The following ADCY8 variants were observed in gnomAD, a reference collection of about 807,000 sequenced individuals.
ADCY8 encodes the protein adenylate cyclase type 8.
ADCY8 carries 51 observed loss-of-function variants against 119.7 expected under a neutral mutation model. The observed-to-expected ratio is 0.43, with a 90% CI of 0.34 to 0.54. The LOEUF (loss-of-function observed/expected upper bound fraction) is 0.54, where lower values mean the gene tolerates loss of function less well. ADCY8 is among the 20% of genes least tolerant of loss of function. The pLI, the probability that ADCY8 is intolerant of heterozygous loss-of-function variation, is 0.03. For synonymous variants in ADCY8, 665 were observed against 651.0 expected, an observed-to-expected ratio of 1.02 and a Z score of -0.33; for missense variants, 1,383 against 1,598.8, an observed-to-expected ratio of 0.87 and a Z score of 2.30.
chr8:130,804,856 C>T (rs1370381927), intron 14 of ADCY8, among the ~76,000 whole-genome samples: 1 of 152,180 alleles, frequency 6.6e-6, no homozygotes, highest in Non-Finnish European at 1.5e-5. Context: ...AAGTGATTCT[C>T]ATGTCTCAAC....
At chr8:130,927,150 TAA>T in intron 5 of ADCY8, among the ~76,000 whole-genome samples, 1 of 152,292 alleles carries the variant, frequency 6.6e-6, no homozygotes, top group Non-Finnish European at 1.5e-5. Context: ...TTCTATTTTT[TAA>T]GTTTCTGAAG....
chr8:130,849,119 G>A (rs1244443225), intron 10 of ADCY8, among the ~76,000 whole-genome samples: 2 of 152,114 alleles, frequency 1.3e-5, no homozygotes, highest in Non-Finnish European at 2.9e-5. Context: ...AGGGGCGTGG[G>A]TCATGGAGTC....
At chr8:130,863,644 T>A (rs1818020285) in intron 9 of ADCY8, among the ~76,000 whole-genome samples, 1 of 152,280 alleles carries the variant, frequency 6.6e-6, no homozygotes, top group South Asian at 2.1e-4. Context: ...TAAAAACGTT[T>A]TTTTAGTGTT....
chr8:131,018,153 C>T (rs1376574126), intron 1 of ADCY8, among the ~76,000 whole-genome samples: 1 of 152,104 alleles, frequency 6.6e-6, no homozygotes, highest in Non-Finnish European at 1.5e-5. Context: ...AAAATAATGA[C>T]TCAATGTAGT....
At chr8:130,854,919 C>A (rs1817670865) in intron 9 of ADCY8, among the ~76,000 whole-genome samples, 1 of 139,028 alleles carries the variant, frequency 7.2e-6, no homozygotes, top group Non-Finnish European at 1.5e-5. Flanking sequence ...TTTCTTTTCC[C>A]CCTTTCTGCC....
intron 3 of ADCY8, among the ~76,000 whole-genome samples, chr8:130,947,152 T>G (rs531410964): frequency 4.6e-5 from 7 of 152,304 alleles, no homozygotes; most frequent in Admixed American, 4.6e-4. Context: ...TGGCTAAAAA[T>G]AAGTCATGTT....
At chr8:131,033,817 TAGAA>T (rs560084696) in intron 1 of ADCY8, among the ~76,000 whole-genome samples, 12 of 147,098 alleles carry the variant, frequency 8.2e-5, no homozygotes, top group South Asian at 4.3e-4. Context: ...AAAAGAAAAA[TAGAA>T]AGAAAGAAAA....
chr8:130,846,132 C>A (rs767150355), intron 11 of ADCY8, among the ~76,000 whole-genome samples: 1 of 152,102 alleles, frequency 6.6e-6, no homozygotes, highest in Non-Finnish European at 1.5e-5. Context: ...CTACAGGGAG[C>A]CTTTTCTCCA....
chr8:130,830,804 C>A (rs1295007818), intron 12 of ADCY8, among the ~76,000 whole-genome samples: 3 of 152,218 alleles, frequency 2.0e-5, no homozygotes, highest in Admixed American at 6.5e-5. Context: ...ATTTTGTTGC[C>A]TCCCTGAATT....
intron 7 of ADCY8, among the ~76,000 whole-genome samples, chr8:130,889,269 C>A (rs1819098928): frequency 6.6e-6 from 1 of 152,038 alleles, no homozygotes. Context: ...TGTCTTTGTC[C>A]CCAGGGCCTA....
intron 1 of ADCY8, among the ~76,000 whole-genome samples, chr8:131,021,859 C>A (rs910302359): frequency 2.6e-5 from 4 of 152,152 alleles, no homozygotes; most frequent in Non-Finnish European, 4.4e-5. Context: ...TCAGGTATGT[C>A]CTTATAGCTG....
At chr8:130,980,572 A>T (rs1192217134) in intron 2 of ADCY8, among the ~76,000 whole-genome samples, 1 of 152,222 alleles carries the variant, frequency 6.6e-6, no homozygotes, top group Non-Finnish European at 1.5e-5. Flanking sequence ...AATGGAGAGG[A>T]CGGGTAGTGT....
intron 12 of ADCY8, among the ~76,000 whole-genome samples, chr8:130,832,401 C>T (rs2130247213): frequency 6.6e-6 from 1 of 152,260 alleles, no homozygotes; most frequent in South Asian, 2.1e-4. Flanking sequence ...CCCCAGATAC[C>T]TAATGTATAG....
chr8:130,887,021 T>A (rs1819011969), intron 7 of ADCY8, among the ~76,000 whole-genome samples: 1 of 151,842 alleles, frequency 6.6e-6, no homozygotes, highest in African/African-American at 2.4e-5. Context: ...AGTCTCAGAA[T>A]AAAAGACAGT....
At chr8:130,788,026 T>C (rs1815312355) in intron 15 of ADCY8, among the ~76,000 whole-genome samples, 1 of 152,236 alleles carries the variant, frequency 6.6e-6, no homozygotes, top group African/African-American at 2.4e-5. Flanking sequence ...TATTTCATAT[T>C]GGCTTGGTGT....
intron 1 of ADCY8, among the ~76,000 whole-genome samples, chr8:131,032,458 A>G (rs1448218105): frequency 6.6e-6 from 1 of 152,218 alleles, no homozygotes; most frequent in East Asian, 1.9e-4. Context: ...CAGTGCATAG[A>G]GATCAAAGAA....
intron 9 of ADCY8, among the ~76,000 whole-genome samples, chr8:130,862,865 T>G (rs936562914): frequency 3.9e-5 from 6 of 152,240 alleles, no homozygotes; most frequent in Admixed American, 1.3e-4. Context: ...TACTTTGTGT[T>G]ATTTTTCTTC....
intron 1 of ADCY8, among the ~76,000 whole-genome samples, chr8:131,038,459 T>G (rs188844347): frequency 1.3e-5 from 2 of 152,310 alleles, no homozygotes; most frequent in African/African-American, 4.8e-5. Context: ...GACAGTGCCA[T>G]GCCATTAATT....
At chr8:130,869,028 G>A (rs74838753) in intron 8 of ADCY8, among the ~76,000 whole-genome samples, 28,248 of 152,104 alleles carry the variant, frequency 0.19, 2,684 homozygotes, top group Middle Eastern at 0.28. Flanking sequence ...TGACTTCTTG[G>A]GGTGGTCTGG....
Sources: allele counts gnomAD v4.1 joint callset (sites outside exome capture counted in the v4.1 genomes callset), GRCh38; gene constraint gnomAD v4.1.1; transcripts MANE v1.5; gene names NCBI Gene and HGNC (gene_info 2026-07-23, HGNC 2026-07-21).